The following U2SURP variants were observed in gnomAD, a reference collection of about 807,000 sequenced individuals.
U2SURP encodes U2 snRNP associated SURP domain containing.
In U2SURP, 9 loss-of-function variants were observed where a neutral mutation model predicts 144.9. The observed-to-expected ratio is 0.06, with a 90% CI of 0.04 to 0.11. The LOEUF (loss-of-function observed/expected upper bound fraction) is 0.11, where lower values mean the gene tolerates loss of function less well. Among genes scored for constraint, U2SURP ranks in the 10% least tolerant of loss-of-function variants. The pLI is 1.00. For missense variants in U2SURP, 724 were observed against 1,226.7 expected (o/e 0.59, Z 6.12); for synonymous variants, 408 against 396.8 (o/e 1.03, Z -0.33).
Position 143,001,600 on chromosome 3 carries a change from C to A in U2SURP, c.-29C>A. On this transcript the variant is annotated 5_prime_UTR_variant, in exon 1 of 28. Coordinates refer to ENST00000473835, the MANE Select transcript of U2SURP (RefSeq NM_001080415.2). ...GGTGCTCGACTCGCCCGTGCTGCTGCCGCCGCCGAAGGAGGGGCAAAGCTC... is the reference window on the plus strand; with the variant it reads ...GGTGCTCGACTCGCCCGTGCTGCTGACGCCGCCGAAGGAGGGGCAAAGCTC... 1 of 1,613,318 alleles carries A rather than the reference C, an allele frequency of 6.2e-7. No homozygotes were observed. Among genetic ancestry groups the A allele is most frequent in the Middle Eastern group, 1.7e-4 (1 of 5,962 alleles).
In U2SURP at chr3:143,033,467, A is replaced by G. The variant is rs1933621322; in HGVS notation, c.1853+117A>G. 3 of 583,390 alleles carry G rather than the reference A, an allele frequency of 5.1e-6. No homozygotes were observed. In the East Asian group the frequency reaches 8.9e-5, roughly 17 times the overall value. 36.1% of individuals were successfully genotyped at this position (583,390 alleles called of 1,614,324 possible). ...GAATAAGAAGTACAGTCAGCCCTCC[A>G]TGTCTGTGGGTTCCTTATCCATGAA... On this transcript the variant is annotated intron_variant, in intron 18 of 27. Coordinates refer to ENST00000473835, the MANE Select transcript of U2SURP (RefSeq NM_001080415.2).
intron 18 of U2SURP, 131 bp from the exon 19 acceptor site, chr3:143,034,757 G>C (rs893935123): frequency 1.3e-5 from 8 of 625,936 alleles, no homozygotes; most frequent in Non-Finnish European, 2.2e-5. Flanking sequence ...TAAACACCTA[G>C]TTTTTGATTT....
Position 143,036,051 on chromosome 3 carries a change from C to T in U2SURP, c.2011C>T (p.Leu671=). The T allele has an allele frequency of 1.2e-6, 2 of 1,611,214 alleles. No homozygotes were observed. The highest frequency in any genetic ancestry group is 1.7e-6 in the Non-Finnish European group (2 of 1,178,900). The change falls in exon 20 of 28, where the codon CTA becomes TTA. Residue 671 remains leucine (L), a synonymous_variant. Coordinates refer to ENST00000473835, the MANE Select transcript of U2SURP (RefSeq NM_001080415.2). The stretch of plus-strand genomic sequence containing the variant: ...TTATCCAGAACCATTTTTGATCAAA[C>T]TACAAAATATTTTCTTAGGACTTGT... ...AIYPEPFLIK[L]QNIFLGLVNI...
intron 19 of U2SURP, 66 bp from the exon 20 acceptor site, chr3:143,035,916 C>T (rs1460964729): frequency 6.8e-7 from 1 of 1,479,088 alleles, no homozygotes. Context: ...TGATCATTCT[C>T]ATGAACTGAA....
intron 23 of U2SURP, among the ~76,000 whole-genome samples, chr3:143,040,797 A>G (rs1031724371): frequency 1.3e-5 from 2 of 151,860 alleles, no homozygotes; most frequent in African/African-American, 4.8e-5. Flanking sequence ...TAAATCATGA[A>G]TAGAGCTCAT....
intron 12 of U2SURP, 84 bp from the exon 13 acceptor site, chr3:143,023,891 A>G: frequency 1.6e-6 from 2 of 1,275,546 alleles, no homozygotes; most frequent in Non-Finnish European, 2.3e-6. Context: ...TAGTATTTTC[A>G]ATGCATATGT....
At chr3:143,004,960 A>G (rs984328837) in intron 1 of U2SURP, among the ~76,000 whole-genome samples, 1 of 152,074 alleles carries the variant, frequency 6.6e-6, no homozygotes, top group Non-Finnish European at 1.5e-5. Flanking sequence ...TGTTAAGCAT[A>G]TTTCCTTAGA....
At chr3:143,015,090 C>A (rs1479266722) in intron 4 of U2SURP, among the ~76,000 whole-genome samples, 1 of 152,026 alleles carries the variant, frequency 6.6e-6, no homozygotes, top group Non-Finnish European at 1.5e-5. Context: ...ACATGTTGCA[C>A]CCCTGTCAGT....
rs544067321 is a variant in U2SURP at position 143,015,152 on chromosome 3, A to G, written c.321+743A>G. On this transcript the variant is annotated intron_variant, in intron 4 of 27. Coordinates refer to ENST00000473835, the MANE Select transcript of U2SURP (RefSeq NM_001080415.2). ...GCACTGCCAGTAGAGGACTTTTGCC[A>G]ATCTCCTACATGAAAAATGGTATCT... Among the ~76,000 whole-genome samples, 4 of 152,236 alleles carry G rather than the reference A, an allele frequency of 2.6e-5. No individual in the cohort carries two copies. In the South Asian group the frequency reaches 6.2e-4, roughly 24 times the overall value.
At chr3:143,044,254 T>A (rs981103475) in intron 24 of U2SURP, among the ~76,000 whole-genome samples, 1 of 150,676 alleles carries the variant, frequency 6.6e-6, no homozygotes, top group African/African-American at 2.5e-5. Flanking sequence ...CAGGCAGACA[T>A]TTCCCTCCCT....
At chr3:143,007,273 T>A (rs1299947587) in intron 1 of U2SURP, among the ~76,000 whole-genome samples, 2 of 151,864 alleles carry the variant, frequency 1.3e-5, no homozygotes, top group Non-Finnish European at 2.9e-5. Context: ...TCCTTTTGTA[T>A]TTTTCTTTTC....
intron 12 of U2SURP, 100 bp downstream of exon 12, chr3:143,023,164 T>A: frequency 9.1e-7 from 1 of 1,101,022 alleles, no homozygotes; most frequent in Non-Finnish European, 1.3e-6. Flanking sequence ...TGTGTGTAAT[T>A]CTGTTTGGCA....
intron 10 of U2SURP, 88 bp downstream of exon 10, chr3:143,021,643 G>A: frequency 7.7e-7 from 1 of 1,299,604 alleles, no homozygotes; most frequent in South Asian, 1.3e-5. Flanking sequence ...AGATTCTGAA[G>A]CTGACAAATC....
At position 143,055,050 on chromosome 3, in the gene U2SURP, A is replaced by T. The variant is rs1935073201; in HGVS notation, c.2882A>T (p.His961Leu). ...CGATCAGAGCGTTCAGAAAGATCTC[A>T]TAAAGAGAGCTCACGGTCCAGGTCA... ...SERSERSERS[H>L]KESSRSRSSH... The change falls in exon 27 of 28, where the codon CAT becomes CTT. Residue 961 changes from histidine to leucine, a missense_variant. His to Leu is a moderately conservative substitution (Grantham distance 99). This residue lies in a region of U2SURP where 129 missense variants were observed against 196.1 expected (regional missense o/e 0.66). Coordinates refer to ENST00000473835, the MANE Select transcript of U2SURP (RefSeq NM_001080415.2). 1 of 1,589,068 alleles carries T rather than the reference A, an allele frequency of 6.3e-7. No individual in the cohort carries two copies. Among genetic ancestry groups the T allele is most frequent in the Non-Finnish European group, 8.6e-7 (1 of 1,160,774 alleles).
intron 23 of U2SURP, among the ~76,000 whole-genome samples, chr3:143,042,446 A>T (rs546597608): frequency 1.4e-4 from 22 of 151,736 alleles, no homozygotes; most frequent in African/African-American, 5.1e-4. Context: ...TTTATTTTTA[A>T]TTTTTTTTAA....
At chr3:143,049,683 C>G (rs1934745838) in intron 24 of U2SURP, among the ~76,000 whole-genome samples, 1 of 152,130 alleles carries the variant, frequency 6.6e-6, no homozygotes, top group South Asian at 2.1e-4. Flanking sequence ...ATTTAAGCTC[C>G]TTTAAGCCTT....
intron 20 of U2SURP, 112 bp downstream of exon 20, chr3:143,036,216 T>C: frequency 8.2e-7 from 1 of 1,214,794 alleles, no homozygotes; most frequent in Non-Finnish European, 1.1e-6. Flanking sequence ...GAAAAATATC[T>C]ATTGCTTACC....
chr3:143,007,381 C>T (rs191466277), intron 1 of U2SURP, among the ~76,000 whole-genome samples: 6 of 151,768 alleles, frequency 4.0e-5, no homozygotes, highest in Admixed American at 3.3e-4. Context: ...CCTCAGCCTC[C>T]CTAGTAGCTG....
At position 143,039,599 on chromosome 3, in the gene U2SURP, A is replaced by ATT. The variant is rs10706682; in HGVS notation, c.2384+659_2384+660dup. Among the ~76,000 whole-genome samples the ATT allele has an allele frequency of 2.7e-3, 373 of 136,770 alleles. 3 individuals carry two copies. The highest frequency in any genetic ancestry group is 9.3e-3 in the African/African-American group (348 of 37,296). 89.7% of individuals were successfully genotyped at this position (136,770 alleles called of 152,430 possible). On this transcript the variant is annotated intron_variant, in intron 23 of 27. Coordinates refer to ENST00000473835, the MANE Select transcript of U2SURP (RefSeq NM_001080415.2). Reference sequence around the variant, plus strand: ...TTAAAATCATTGCAAAGGGAGTTGAATTTTTTTTTTTTTTTTTTTTTAAAT... The same window carrying ATT: ...TTAAAATCATTGCAAAGGGAGTTGAATTTTTTTTTTTTTTTTTTTTTTTAAAT...
Sources: gnomAD v4.1 joint callset for allele counts (sites outside exome capture counted in the v4.1 genomes callset) on GRCh38, gnomAD v4.1.1 for gene constraint, gnomAD v4.1.1 regional missense constraint, MANE v1.5 for transcripts, NCBI Gene and HGNC (gene_info 2026-07-23, HGNC 2026-07-21) for gene names.